CEP128: variants seen among roughly 807,000 people sequenced by gnomAD.
CEP128 encodes the protein centrosomal protein 128kDa.
A neutral mutation model predicts 156.7 loss-of-function variants in CEP128; 132 were observed. The observed-to-expected ratio is 0.84, with a 90% CI of 0.73 to 0.97. The LOEUF is 0.97. Among genes scored for constraint, CEP128 ranks in the 50% least tolerant of loss-of-function variants. The probability of loss-of-function intolerance (pLI) is 0.00; values close to 1 mark genes in which losing one functional copy is unlikely to be tolerated. For missense variants in CEP128, 1,252 were observed against 1,281.9 expected (o/e 0.98, Z 0.36); for synonymous variants, 469 against 448.9 (o/e 1.04, Z -0.57).
downstream of CEP128, among the ~76,000 whole-genome samples, chr14:80,489,989 T>C (rs1329530493): frequency 2.0e-5 from 3 of 152,098 alleles, no homozygotes; most frequent in Non-Finnish European, 1.5e-5. Context: ...AGAGGAGTTC[T>C]TGAAAATATT....
exon 15 of CEP128, chr14:80,477,600 T>G (rs915739670): frequency 6.6e-6 from 1 of 152,194 alleles, no homozygotes; most frequent in African/African-American, 2.4e-5. Context: ...GCCTGAATAA[T>G]GAGTGGAACT....
intron 19 of CEP128, among the ~76,000 whole-genome samples, chr14:80,673,050 T>C (rs1399417868): frequency 6.6e-6 from 1 of 152,178 alleles, no homozygotes; most frequent in East Asian, 1.9e-4. Context: ...AGTAAACATT[T>C]ATGTATAGTA....
chr14:80,554,137 T>TC (rs1890331259), intron 21 of CEP128, among the ~76,000 whole-genome samples: 2 of 152,222 alleles, frequency 1.3e-5, no homozygotes, highest in Non-Finnish European at 2.9e-5. Flanking sequence ...TATTTCTCTC[T>TC]AATCTGTCAC....
At chr14:80,768,434 CA>C (rs1479676472) in intron 16 of CEP128, among the ~76,000 whole-genome samples, 1 of 152,126 alleles carries the variant, frequency 6.6e-6, no homozygotes, top group Non-Finnish European at 1.5e-5. Flanking sequence ...AGCAAAGGAA[CA>C]CTATGATTTC....
chr14:80,870,548 T>C (rs1887975221), intron 8 of CEP128, among the ~76,000 whole-genome samples: 1 of 152,044 alleles, frequency 6.6e-6, no homozygotes, highest in African/African-American at 2.4e-5. Context: ...CATCCTTTCA[T>C]GATAAAAAGA....
chr14:80,868,770 G>C (rs1362334074), intron 8 of CEP128, among the ~76,000 whole-genome samples: 2 of 151,864 alleles, frequency 1.3e-5, no homozygotes, highest in Non-Finnish European at 2.9e-5. Flanking sequence ...ATAGACTTTA[G>C]AGATACAAAT....
chr14:80,687,448 T>A (rs181002413), intron 19 of CEP128, among the ~76,000 whole-genome samples: 51 of 152,208 alleles, frequency 3.4e-4, no homozygotes, highest in African/African-American at 1.1e-3. Flanking sequence ...TGGAAGCAGC[T>A]AAAGGCCATT....
intron 13 of CEP128, among the ~76,000 whole-genome samples, chr14:80,823,380 T>A (rs994853437): frequency 2.6e-5 from 4 of 152,204 alleles, no homozygotes; most frequent in Non-Finnish European, 4.4e-5. Flanking sequence ...TTAAACAACA[T>A]GCTAAATGTG....
intron 24 of CEP128, among the ~76,000 whole-genome samples, chr14:80,500,935 G>A (rs1887702846): frequency 6.6e-6 from 1 of 151,468 alleles, no homozygotes; most frequent in African/African-American, 2.4e-5. Flanking sequence ...TTTATTAATT[G>A]ACTCTTGTTT....
chr14:80,521,442 T>C (rs1277150741), intron 23 of CEP128, among the ~76,000 whole-genome samples: 1 of 152,206 alleles, frequency 6.6e-6, no homozygotes, highest in Non-Finnish European at 1.5e-5. Context: ...CCAGGTTGAT[T>C]TCTGAATAAG....
chr14:80,819,493 A>G (rs1279379509), intron 13 of CEP128, among the ~76,000 whole-genome samples: 3 of 151,634 alleles, frequency 2.0e-5, no homozygotes, highest in Admixed American at 2.0e-4. Context: ...TGATCCGCCC[A>G]CCTCGGCCTC....
At chr14:80,701,891 GC>G (rs1168563611) in intron 19 of CEP128, among the ~76,000 whole-genome samples, 1 of 152,156 alleles carries the variant, frequency 6.6e-6, no homozygotes, top group African/African-American at 2.4e-5. Context: ...CGATGCCTTT[GC>G]ATGGGTGCTT....
intron 19 of CEP128, among the ~76,000 whole-genome samples, chr14:80,602,623 A>T (rs1892625537): frequency 6.6e-6 from 1 of 152,098 alleles, no homozygotes. Flanking sequence ...TACAAAAATA[A>T]TTAGCCAGGC....
At chr14:80,842,623 T>G (rs150675801) in intron 9 of CEP128, among the ~76,000 whole-genome samples, 45 of 152,088 alleles carry the variant, frequency 3.0e-4, no homozygotes, top group African/African-American at 9.6e-4. Context: ...AAACGTGAAC[T>G]AATTTACTAC....
intron 19 of CEP128, among the ~76,000 whole-genome samples, chr14:80,616,133 C>T (rs546056594): frequency 1.3e-5 from 2 of 152,288 alleles, no homozygotes; most frequent in Non-Finnish European, 2.9e-5. Context: ...TAGACAGCTG[C>T]GTCTCTCATA....
intron 19 of CEP128, among the ~76,000 whole-genome samples, chr14:80,580,775 G>GA (rs977142460): frequency 3.3e-5 from 5 of 151,698 alleles, no homozygotes; most frequent in Non-Finnish European, 7.4e-5. Context: ...ATTTCCTTTA[G>GA]AAAAAAAGAA....
At chr14:80,741,956 C>A (rs1179977763) in intron 19 of CEP128, among the ~76,000 whole-genome samples, 1 of 152,012 alleles carries the variant, frequency 6.6e-6, no homozygotes, top group African/African-American at 2.4e-5. Flanking sequence ...TTTTTAAGAT[C>A]TAAATAAAGT....
intron 13 of CEP128, among the ~76,000 whole-genome samples, chr14:80,809,281 C>T (rs1026769720): frequency 2.0e-5 from 3 of 151,834 alleles, no homozygotes; most frequent in Non-Finnish European, 2.9e-5. Flanking sequence ...AAGAGAGAAT[C>T]TCAGAAATTG....
chr14:80,581,083 G>A (rs1261578676), intron 19 of CEP128, among the ~76,000 whole-genome samples: 1 of 152,168 alleles, frequency 6.6e-6, no homozygotes, highest in African/African-American at 2.4e-5. Context: ...CTGTCTTAAT[G>A]CATGTATACA....
Sources: gnomAD v4.1 joint callset for allele counts (sites outside exome capture counted in the v4.1 genomes callset) on GRCh38, gnomAD v4.1.1 for gene constraint, MANE v1.5 for transcripts, NCBI Gene and HGNC (gene_info 2026-07-23, HGNC 2026-07-21) for gene names.